Variants in GADL1 observed in about 807,000 individuals in gnomAD.
The protein encoded by GADL1 is acidic amino acid decarboxylase GADL1.
In GADL1, 71 loss-of-function variants were observed where a neutral mutation model predicts 69.5. The observed-to-expected ratio is 1.02, with a 90% CI of 0.84 to 1.25. GADL1 has a LOEUF of 1.25. Ranked by LOEUF, GADL1 falls within the 50% of genes most tolerant of loss-of-function variation. The pLI is 0.00. For synonymous variants in GADL1, 254 were observed against 214.4 expected, an observed-to-expected ratio of 1.18 and a Z score of -1.62; for missense variants, 737 against 631.8, an observed-to-expected ratio of 1.17 and a Z score of -1.79.
At chr3:30,837,075 CATGGT>C (rs1368328666) in intron 9 of GADL1, among the ~76,000 whole-genome samples, 1 of 151,940 alleles carries the variant, frequency 6.6e-6, no homozygotes, top group Non-Finnish European at 1.5e-5. Flanking sequence ...ATTAATAAAA[CATGGT>C]ATGTATGCAG....
chr3:30,755,274 C>T (rs1047952103), intron 14 of GADL1, among the ~76,000 whole-genome samples: 5 of 132,244 alleles, frequency 3.8e-5, no homozygotes, highest in African/African-American at 1.5e-4. Flanking sequence ...CATGGTGAAA[C>T]CATCAGCTTG....
intron 1 of GADL1, among the ~76,000 whole-genome samples, chr3:30,883,717 C>A (rs1269101761): frequency 2.6e-5 from 4 of 151,900 alleles, no homozygotes. Flanking sequence ...TGTGTTAAAT[C>A]TGTATATTGC....
At chr3:30,761,470 GGATA>G (rs1450282814) in intron 14 of GADL1, among the ~76,000 whole-genome samples, 3 of 124,054 alleles carry the variant, frequency 2.4e-5, no homozygotes, top group African/African-American at 8.7e-5. Context: ...AGAACCTGGG[GGATA>G]GATATGTTTA....
intron 8 of GADL1, among the ~76,000 whole-genome samples, chr3:30,841,811 A>G (rs1290767216): frequency 6.6e-6 from 1 of 152,176 alleles, no homozygotes; most frequent in Non-Finnish European, 1.5e-5. Context: ...CAATGTTATT[A>G]CAAAAGAGAC....
intron 4 of GADL1, among the ~76,000 whole-genome samples, chr3:30,853,631 G>T (rs1332507810): frequency 6.6e-6 from 1 of 152,076 alleles, no homozygotes; most frequent in Non-Finnish European, 1.5e-5. Context: ...CTCTCCCAGT[G>T]CTTATTTCTA....
chr3:30,886,199 T>C (rs1217626628), intron 1 of GADL1, among the ~76,000 whole-genome samples: 1 of 152,178 alleles, frequency 6.6e-6, no homozygotes, highest in Admixed American at 6.5e-5. Flanking sequence ...ACAAGAACTG[T>C]ACTTGATCGC....
chr3:30,775,825 G>A lies in GADL1; in HGVS notation c.1392+2354C>T, dbSNP rs371048263. ...AAAAAGTGCACTACAGGCTGGGTGCGGTGGCTCACGCCTGTAATCCCAACA... is the reference window on the plus strand; with the variant it reads ...AAAAAGTGCACTACAGGCTGGGTGCAGTGGCTCACGCCTGTAATCCCAACA... On this transcript the variant is annotated intron_variant, in intron 14 of 14. Coordinates refer to ENST00000282538, the MANE Select transcript of GADL1 (RefSeq NM_207359.3). Among the ~76,000 whole-genome samples the A allele has an allele frequency of 1.6e-4, 25 of 152,232 alleles. No homozygotes were observed. The East Asian group carries it at 1.9e-3, about 12-fold the overall frequency.
chr3:30,881,200 A>T (rs571635313), intron 1 of GADL1, among the ~76,000 whole-genome samples: 12 of 152,134 alleles, frequency 7.9e-5, no homozygotes, highest in Non-Finnish European at 1.2e-4. Context: ...TTATGCTTGT[A>T]TACATTTACA....
At chr3:30,754,579 A>G (rs544888929) in intron 14 of GADL1, among the ~76,000 whole-genome samples, 10 of 152,084 alleles carry the variant, frequency 6.6e-5, no homozygotes, top group Non-Finnish European at 1.0e-4. Flanking sequence ...ATGGCTAAAT[A>G]TTTAAGCTTC....
At chr3:30,869,033 A>T (rs1698444659) in intron 1 of GADL1, among the ~76,000 whole-genome samples, 1 of 151,450 alleles carries the variant, frequency 6.6e-6, no homozygotes, top group South Asian at 2.1e-4. Context: ...TAATTAATAA[A>T]TTAATAAGAG....
intron 11 of GADL1, among the ~76,000 whole-genome samples, chr3:30,813,241 A>AT (rs1697394957): frequency 6.6e-6 from 1 of 152,190 alleles, no homozygotes; most frequent in South Asian, 2.1e-4. Context: ...GGATAATAAT[A>AT]TTGCACTGCA....
chr3:30,854,755 T>A lies in GADL1; in HGVS notation c.372A>T (p.Gly124=), dbSNP rs542899005. ...GGGCCACCAAGGAGTAATAATCAAG[T>A]CCAGCATACAATTGGTTGAAAAATC... ...HPRFFNQLYA[G]LDYYSLVARF... is the part of the protein sequence containing the mutation. The change falls in exon 4 of 15, where the codon GGA becomes GGT. Residue 124 remains glycine (G), a synonymous_variant. Coordinates refer to ENST00000282538, the MANE Select transcript of GADL1 (RefSeq NM_207359.3). 1.3e-5 allele frequency: 20 copies of A among 1,549,514 alleles called. No homozygotes were observed. The South Asian group carries it at 2.4e-4, about 18-fold the overall frequency.
chr3:30,824,341 T>C (rs1697646504), intron 11 of GADL1, among the ~76,000 whole-genome samples: 1 of 151,516 alleles, frequency 6.6e-6, no homozygotes, highest in East Asian at 1.9e-4. Flanking sequence ...TTACTGACAA[T>C]CTTAACACCA....
chr3:30,828,015 T>C (rs1472760117), intron 11 of GADL1, among the ~76,000 whole-genome samples: 1 of 151,880 alleles, frequency 6.6e-6, no homozygotes, highest in Non-Finnish European at 1.5e-5. Flanking sequence ...AGAAAAAGTG[T>C]GAGTGTTCCC....
At chr3:30,759,283 C>T (rs1205388399) in intron 14 of GADL1, among the ~76,000 whole-genome samples, 2 of 151,772 alleles carry the variant, frequency 1.3e-5, no homozygotes, top group East Asian at 1.9e-4. Flanking sequence ...CTTTTTCTTC[C>T]AAAATTAGCC....
At position 30,726,436 on chromosome 3, in the gene GADL1, T is replaced by C. The variant is rs1215351441; in HGVS notation, c.*1806A>G. The C allele has an allele frequency of 1.3e-5, 2 of 151,998 alleles. No individual in the cohort carries two copies. The highest frequency in any genetic ancestry group is 1.9e-4 in the East Asian group (1 of 5,188). The allele number at this position is 151,998 out of a possible 1,614,324, so 9.4% of individuals were successfully genotyped here. On this transcript the variant is annotated 3_prime_UTR_variant, in exon 15 of 15. Coordinates refer to ENST00000282538, the MANE Select transcript of GADL1 (RefSeq NM_207359.3). ...TTGTTACAAACATCAATTTTAGAAA[T>C]ATTTTATGTAGACATTAAAACAAAA...
intron 14 of GADL1, among the ~76,000 whole-genome samples, chr3:30,745,917 C>A (rs1695695611): frequency 6.6e-6 from 1 of 151,698 alleles, no homozygotes; most frequent in Admixed American, 6.6e-5. Context: ...CTTTCCATTT[C>A]TTCTTCTTCT....
At chr3:30,893,343 T>C (rs1249160422) in intron 1 of GADL1, among the ~76,000 whole-genome samples, 5 of 152,176 alleles carry the variant, frequency 3.3e-5, no homozygotes, top group African/African-American at 1.2e-4. Flanking sequence ...CATTGTTTAA[T>C]GACCAAATCA....
At chr3:30,848,838 T>G (rs948958723) in intron 6 of GADL1, among the ~76,000 whole-genome samples, 8 of 152,216 alleles carry the variant, frequency 5.3e-5, no homozygotes, top group African/African-American at 1.9e-4. Context: ...AACTCACTAA[T>G]CAGCAACTAC....
Sources: allele counts gnomAD v4.1 joint callset (sites outside exome capture counted in the v4.1 genomes callset), GRCh38; gene constraint gnomAD v4.1.1; transcripts MANE v1.5; gene names NCBI Gene and HGNC (gene_info 2026-07-23, HGNC 2026-07-21).